The following ZNF664 variants were observed in gnomAD, a reference collection of about 807,000 sequenced individuals.
ZNF664 encodes the protein zinc finger Organ of Corti 1.
ZNF664 carries 10 observed loss-of-function variants against 18.2 expected under a neutral mutation model. The observed-to-expected ratio is 0.55, with a 90% confidence interval of 0.34 to 0.93. The LOEUF (loss-of-function observed/expected upper bound fraction) is 0.93. Among genes scored for constraint, ZNF664 ranks in the 40% least tolerant of loss-of-function variants. ZNF664 has a pLI of 0.02. For synonymous variants in ZNF664, 119 were observed against 104.2 expected, an observed-to-expected ratio of 1.14 and a Z score of -0.86; for missense variants, 193 against 319.0, an observed-to-expected ratio of 0.61 and a Z score of 3.01.
intron 3 of ZNF664, among the ~76,000 whole-genome samples, chr12:124,005,482 A>AGT (rs751514633): frequency 0.068 from 6,230 of 91,766 alleles, 205 homozygotes; most frequent in Admixed American, 0.14. Context: ...TAATTTATAG[A>AGT]ATGTGTGTGT....
rs1193376205 is a variant in ZNF664, at chr12:124,012,663, TTA to T, written c.521_522del (p.Tyr174Ter). The T allele has an allele frequency of 6.2e-7, 1 of 1,614,170 alleles. No homozygotes were observed. The highest frequency in any genetic ancestry group is 8.5e-7 in the Non-Finnish European group (1 of 1,180,036). On this transcript the variant is annotated frameshift_variant, in exon 5 of 5. Transcript: ENST00000337815. LOFTEE classifies it high-confidence loss of function. The stretch of plus-strand genomic sequence containing the variant: ...ACACAGGAGAGAAACCCTATAAATG[TTA>T]TGAGTGTGGGAAGGCGTTCAGTCAG... ...VHTGEKPYKC[Y>X]ECGKAFSQSS...
intron 2 of ZNF664, among the ~76,000 whole-genome samples, chr12:123,986,182 A>G (rs1055932908): frequency 6.6e-6 from 1 of 151,920 alleles, no homozygotes; most frequent in African/African-American, 2.4e-5. Context: ...TCCTGGGAAA[A>G]CTTCATCTTA....
intron 3 of ZNF664, among the ~76,000 whole-genome samples, chr12:123,993,028 T>G (rs887863094): frequency 2.0e-5 from 3 of 152,190 alleles, no homozygotes; most frequent in African/African-American, 7.2e-5. Flanking sequence ...GGCCTGGCAG[T>G]TGGACCTTCC....
chr12:123,987,913 A>G, intron 2 of ZNF664, 130 bp from the exon 3 acceptor site: 1 of 1,190,982 alleles, frequency 8.4e-7, no homozygotes, highest in Non-Finnish European at 1.0e-6. Flanking sequence ...TAAATCCCAG[A>G]TGTAAATAGG....
chr12:123,973,749 C>T, intron 1 of ZNF664, 137 bp from the exon 2 acceptor site: 1 of 1,220,028 alleles, frequency 8.2e-7, no homozygotes, highest in Non-Finnish European at 1.0e-6. Flanking sequence ...AGCGCTGCCG[C>T]CCTCGTCGCC....
chr12:123,990,774 A>C (rs1188257967), intron 3 of ZNF664, among the ~76,000 whole-genome samples: 3 of 152,222 alleles, frequency 2.0e-5, no homozygotes, highest in African/African-American at 7.2e-5. Flanking sequence ...TAGTCAGCCA[A>C]AGGGAAGGAT....
intron 2 of ZNF664, chr12:123,974,457 G>A (rs1169745330): frequency 1.9e-5 from 3 of 155,872 alleles, no homozygotes; most frequent in East Asian, 3.7e-4. Flanking sequence ...ATTTAGAGAG[G>A]GCTCCTATTT....
chr12:124,010,063 C>T (rs920688392), intron 3 of ZNF664, among the ~76,000 whole-genome samples: 1 of 152,000 alleles, frequency 6.6e-6, no homozygotes, highest in Non-Finnish European at 1.5e-5. Flanking sequence ...AGTGAATAAC[C>T]GGGTATATCA....
intron 3 of ZNF664, among the ~76,000 whole-genome samples, chr12:124,004,033 A>G (rs1266766085): frequency 1.3e-5 from 2 of 152,228 alleles, no homozygotes; most frequent in African/African-American, 4.8e-5. Context: ...GCTGTGGACA[A>G]CAGACAGGGA....
Position 124,014,232 on chromosome 12 carries a change from G to A in ZNF664, c.*1302G>A, listed in dbSNP as rs1224625612. 2 of 167,158 alleles carry A rather than the reference G, an allele frequency of 1.2e-5. No individual in the cohort carries two copies. Among genetic ancestry groups the A allele is most frequent in the Non-Finnish European group, 1.5e-5 (1 of 68,228 alleles). 10.4% of individuals were successfully genotyped at this position (167,158 alleles called of 1,614,324 possible). A position where few individuals can be genotyped will look rare whatever the true frequency, so the allele number is the denominator to read the frequency against. On this transcript the variant is annotated 3_prime_UTR_variant, in exon 5 of 5. Transcript: ENST00000337815. ...GTGGTCAGGGAGGCCTTTCCGCGGT[G>A]GGATGTTGAGCTGAGGCCGGAGGAG...
chr12:124,013,135 C>CGTGG lies in ZNF664; in HGVS notation c.*206_*207insTGGG. On this transcript the variant is annotated 3_prime_UTR_variant, in exon 5 of 5. Transcript: ENST00000337815. ...TTGAATGTGGACCTCTGAGCATCCA[C>CGTGG]GCAGGATGGCTCTCAGGTCCCAGTC... The CGTGG allele has an allele frequency of 1.4e-6, 1 of 700,038 alleles. No individual in the cohort carries two copies. Among genetic ancestry groups the CGTGG allele is most frequent in the Non-Finnish European group, 2.3e-6 (1 of 427,680 alleles). The allele number at this position is 700,038 out of a possible 1,614,324, so 43.4% of individuals were successfully genotyped here. A position where few individuals can be genotyped will look rare whatever the true frequency, so the allele number is the denominator to read the frequency against.
chr12:123,986,991 C>G (rs1473040237), intron 2 of ZNF664, among the ~76,000 whole-genome samples: 1 of 152,146 alleles, frequency 6.6e-6, no homozygotes, highest in African/African-American at 2.4e-5. Flanking sequence ...CCATTTTCTT[C>G]CTGTTTTATT....
In ZNF664 at chr12:124,013,296, C is replaced by T. The variant is rs767872475; in HGVS notation, c.*366C>T. On this transcript the variant is annotated 3_prime_UTR_variant, in exon 5 of 5. Coordinates refer to ENST00000337815, the MANE Select transcript of ZNF664 (RefSeq NM_152437.3). ...TTAAAAGCTATCCCAGATACTCCCC[C>T]TTGAGGAGCTCATGCCCTTCCTTCC... 6 of 248,604 alleles carry T rather than the reference C, an allele frequency of 2.4e-5. No homozygotes were observed. Among genetic ancestry groups the T allele is most frequent in the Non-Finnish European group, 4.2e-5 (5 of 120,354 alleles). 15.4% of individuals were successfully genotyped at this position (248,604 alleles called of 1,614,324 possible). A position where few individuals can be genotyped will look rare whatever the true frequency, so the allele number is the denominator to read the frequency against.
At chr12:124,004,483 G>A (rs1478371864) in intron 3 of ZNF664, among the ~76,000 whole-genome samples, 1 of 152,266 alleles carries the variant, frequency 6.6e-6, no homozygotes, top group Non-Finnish European at 1.5e-5. Flanking sequence ...GGTGTTGTCA[G>A]TGGAGGCGGA....
chr12:123,995,783 C>G (rs1314111881), intron 3 of ZNF664, among the ~76,000 whole-genome samples: 3 of 152,180 alleles, frequency 2.0e-5, no homozygotes, highest in African/African-American at 7.2e-5. Context: ...TGAATGAACT[C>G]TAATTTTTAA....
At chr12:124,010,814 T>C (rs2138462088) in intron 3 of ZNF664, among the ~76,000 whole-genome samples, 1 of 152,216 alleles carries the variant, frequency 6.6e-6, no homozygotes, top group South Asian at 2.1e-4. Flanking sequence ...CCGGGGGGCC[T>C]CTTTAGGTAG....
intron 3 of ZNF664, among the ~76,000 whole-genome samples, chr12:123,990,682 G>A (rs1956878767): frequency 6.6e-6 from 1 of 152,166 alleles, no homozygotes; most frequent in African/African-American, 2.4e-5. Flanking sequence ...CCCTCCCCCA[G>A]CTAGTTCCTG....
At chr12:123,979,042 A>G (rs548526887) in intron 2 of ZNF664, among the ~76,000 whole-genome samples, 4 of 152,318 alleles carry the variant, frequency 2.6e-5, no homozygotes, top group African/African-American at 7.2e-5. Context: ...AAGGAAATAT[A>G]AGAGAATTTG....
At chr12:123,978,666 C>T (rs762967369) in intron 2 of ZNF664, among the ~76,000 whole-genome samples, 2 of 152,234 alleles carry the variant, frequency 1.3e-5, no homozygotes, top group Non-Finnish European at 2.9e-5. Flanking sequence ...GCTTCTAAAA[C>T]TCTTTTATAG....
Sources: allele counts gnomAD v4.1 joint callset (sites outside exome capture counted in the v4.1 genomes callset), GRCh38; gene constraint gnomAD v4.1.1; transcripts MANE v1.5; gene names NCBI Gene and HGNC (gene_info 2026-07-23, HGNC 2026-07-21).